Variants in BICRA observed in about 807,000 individuals in gnomAD.
BICRA encodes BRD4-interacting chromatin-remodeling complex-associated protein.
Under a neutral mutation model 96.9 loss-of-function variants are expected in BICRA, and 31 were observed. That is an observed-to-expected ratio of 0.32 (90% CI 0.24 to 0.43). The LOEUF (loss-of-function observed/expected upper bound fraction) is 0.43, where lower values mean the gene tolerates loss of function less well. Among genes scored for constraint, BICRA ranks in the 20% least tolerant of loss-of-function variants. The pLI, the probability that BICRA is intolerant of heterozygous loss-of-function variation, is 1.00. For missense variants in BICRA, 2,283 were observed against 2,190.3 expected (o/e 1.04, Z -0.84); for synonymous variants, 1,350 against 1,071.8 (o/e 1.26, Z -5.07).
chr19:47,694,039 C>G, intron 7 of BICRA, 76 bp from the exon 8 acceptor site: 1 of 1,434,140 alleles, frequency 7.0e-7, no homozygotes, highest in Non-Finnish European at 9.1e-7. Flanking sequence ...GCTGGGGACC[C>G]CAGTGTCTTG....
At chr19:47,629,952 C>T (rs144607946) in intron 1 of BICRA, among the ~76,000 whole-genome samples, 2,518 of 152,282 alleles carry the variant, frequency 0.017, 38 homozygotes, top group Non-Finnish European at 0.028. Flanking sequence ...TGAGCCACGG[C>T]GCCCGGCCAC....
In BICRA at chr19:47,701,579, G is replaced by C. The variant is rs369970539; in HGVS notation, c.3847G>C (p.Ala1283Pro). The change falls in exon 15 of 15, where the codon GCC (alanine) becomes CCC (proline). Residue 1283 changes from alanine (A) to proline (P), a missense_variant. Ala to Pro is a conservative substitution (Grantham distance 27). Transcript: ENST00000594866. The surrounding 1 kb of genome is among the most constrained non-coding windows in gnomAD (Gnocchi z 5.4). ...CTCCTCTGCCGCCTCCTCCTTGGAC[G>C]CCGACGAGGACGGCCCCATGCCCTC... is the stretch of plus-strand genomic sequence containing the variant. ...SSSSAASSLDADEDGPMPSRN... is the reference protein window; with the variant it reads ...SSSSAASSLDPDEDGPMPSRN... The C allele has an allele frequency of 2.6e-6, 4 of 1,553,922 alleles. No individual in the cohort carries two copies. The highest frequency in any genetic ancestry group is 1.4e-5 in the African/African-American group (1 of 73,140).
chr19:47,695,536 G>A, intron 10 of BICRA, 62 bp downstream of exon 10: 1 of 776,812 alleles, frequency 1.3e-6, no homozygotes, highest in Non-Finnish European at 2.2e-6. Flanking sequence ...CTGGGAACTG[G>A]GGCTGGCAGG....
At position 47,621,362 on chromosome 19, in the gene BICRA, C is replaced by T. The variant is rs187744963; in HGVS notation, c.-108+12194C>T. Among the ~76,000 whole-genome samples the T allele has an allele frequency of 2.6e-4, 40 of 152,026 alleles. No individual in the cohort carries two copies. In the East Asian group the frequency reaches 2.7e-3, roughly 10 times the overall value. On this transcript the variant is annotated intron_variant, in intron 1 of 14. Transcript: ENST00000594866. Reference sequence around the variant, plus strand: ...GTCTTTTTCTGTTAAATTTCTGTCTCGTTAGCCAAAGGAACAAAATCCCCT... The same window carrying T: ...GTCTTTTTCTGTTAAATTTCTGTCTTGTTAGCCAAAGGAACAAAATCCCCT...
chr19:47,671,318 GTGCA>G (rs911997656), intron 2 of BICRA, among the ~76,000 whole-genome samples: 1 of 152,092 alleles, frequency 6.6e-6, no homozygotes, highest in African/African-American at 2.4e-5. Context: ...CCAGCTGAGG[GTGCA>G]TGTAAGATTT....
In BICRA at chr19:47,699,042, C is replaced by G. The variant is rs752871406; in HGVS notation, c.3475C>G (p.Leu1159Val). 6.4e-7 allele frequency: 1 copy of G among 1,573,644 alleles called. No individual in the cohort carries two copies. Among genetic ancestry groups the G allele is most frequent in the Non-Finnish European group, 8.6e-7 (1 of 1,159,848 alleles). The change falls in exon 13 of 15, where the codon CTC becomes GTC. Residue 1159 changes from leucine to valine, a missense_variant. Transcript: ENST00000594866. The surrounding 1 kb of genome is among the most constrained non-coding windows in gnomAD (Gnocchi z 5.0). Reference protein sequence around the residue: ...QAMLNKYRLLLLEESRRVSPS... With the variant: ...QAMLNKYRLLVLEESRRVSPS... The stretch of plus-strand genomic sequence containing the variant: ...CATGCTCAATAAATATCGGCTCCTG[C>G]TCCTGGAGGAGTCCCGGGTAGGGTC...
chr19:47,698,577 C>T lies in BICRA; in HGVS notation c.3249-57C>T. 2.6e-6 allele frequency: 2 copies of T among 773,798 alleles called. No individual in the cohort carries two copies. Among genetic ancestry groups the T allele is most frequent in the South Asian group, 2.9e-5 (2 of 67,974 alleles). 47.9% of individuals were successfully genotyped at this position (773,798 alleles called of 1,614,324 possible). On this transcript the variant is annotated intron_variant, in intron 11 of 14. Transcript: ENST00000594866. The surrounding 1 kb of genome is among the most constrained non-coding windows in gnomAD (Gnocchi z 4.8). ...TGAGGGTTCAGGGACTTCCCCTGGC[C>T]CTCACCCGTCCCCCCCACCCTCCGC...
At chr19:47,683,054 T>C (rs1476520154) in intron 7 of BICRA, among the ~76,000 whole-genome samples, 1 of 152,186 alleles carries the variant, frequency 6.6e-6, no homozygotes, top group Non-Finnish European at 1.5e-5. Context: ...TAAATTGTTG[T>C]TAGGTTTTTA....
chr19:47,689,557 G>A (rs1214498361), intron 7 of BICRA, among the ~76,000 whole-genome samples: 1 of 152,032 alleles, frequency 6.6e-6, no homozygotes, highest in Non-Finnish European at 1.5e-5. Context: ...GATTACAGGT[G>A]CACACCATCC....
rs57492096 is a variant in BICRA, at chr19:47,634,756, ATTTTTT to A, written c.-108+25606_-108+25611del. ...ACTCTCTTCTCTCTCTTAAAATTAA[ATTTTTT>A]TTTTTTTTTTTTTTTTTGGAGACAG... On this transcript the variant is annotated intron_variant, in intron 1 of 14. Transcript: ENST00000594866. Among the ~76,000 whole-genome samples the A allele has an allele frequency of 3.3e-3, 399 of 120,282 alleles. 2 individuals carry two copies. The highest frequency in any genetic ancestry group is 0.013 in the African/African-American group (386 of 29,610). 78.9% of individuals were successfully genotyped at this position (120,282 alleles called of 152,430 possible).
upstream of BICRA, chr19:47,609,078 C>CCCGG (rs1185018072): frequency 1.4e-5 from 2 of 147,978 alleles, no homozygotes; most frequent in African/African-American, 4.9e-5. Context: ...CGCTGACCGG[C>CCCGG]CCGGCCGGCC....
At chr19:47,657,436 G>A (rs539270805) in intron 1 of BICRA, among the ~76,000 whole-genome samples, 111 of 148,730 alleles carry the variant, frequency 7.5e-4, no homozygotes, top group African/African-American at 2.7e-3. Context: ...TTGCTCTGTC[G>A]CCCAGGCTGG....
At chr19:47,636,509 G>C (rs1972302581) in intron 1 of BICRA, among the ~76,000 whole-genome samples, 2 of 152,094 alleles carry the variant, frequency 1.3e-5, no homozygotes, top group African/African-American at 4.8e-5. Context: ...ACTGCGCCCA[G>C]CCTGTATTAT....
chr19:47,678,435 C>A (rs768463619), intron 5 of BICRA, among the ~76,000 whole-genome samples: 2 of 151,794 alleles, frequency 1.3e-5, no homozygotes, highest in East Asian at 3.9e-4. Flanking sequence ...GTTTTTTGGG[C>A]GTCAGCTGGT....
rs1459502584 is a variant in BICRA at position 47,680,490 on chromosome 19, C to T, written c.1320C>T (p.Pro440=). The T allele has an allele frequency of 6.5e-6, 10 of 1,542,358 alleles. No individual in the cohort carries two copies. The highest frequency in any genetic ancestry group is 2.7e-5 in the African/African-American group (2 of 72,872). The change falls in exon 6 of 15, where the codon CCC becomes CCT. Residue 440 remains proline, a synonymous_variant. Coordinates refer to ENST00000594866, the MANE Select transcript of BICRA (RefSeq NM_001394372.1). ...TTTGAAPPQP[P]GALSKPMSVH... ...CCGGAGCGGCCCCGCCGCAGCCCCC[C>T]GGGGCCCTGAGCAAACCCATGAGCG...
chr19:47,683,529 TTAAAG>T (rs1384445522), intron 7 of BICRA, among the ~76,000 whole-genome samples: 3 of 152,184 alleles, frequency 2.0e-5, no homozygotes, highest in Non-Finnish European at 2.9e-5. Flanking sequence ...GCCTTTTGTC[TTAAAG>T]TAATAACCAT....
chr19:47,671,409 C>T (rs1972859719), intron 2 of BICRA, among the ~76,000 whole-genome samples: 1 of 151,932 alleles, frequency 6.6e-6, no homozygotes, highest in Non-Finnish European at 1.5e-5. Context: ...GACCCCCTAC[C>T]CCAACAAAAA....
Position 47,680,086 on chromosome 19 carries a change from G to C in BICRA, c.916G>C (p.Val306Leu), listed in dbSNP as rs1404610919. The change falls in exon 6 of 15, where the codon GTG (valine) becomes CTG (leucine). Residue 306 changes from valine to leucine, a missense_variant. Coordinates refer to ENST00000594866, the MANE Select transcript of BICRA (RefSeq NM_001394372.1). ...AVATTLNGNS[V>L]FGGAGAASAP... ...GGCCACCACGCTCAATGGGAACTCT[G>C]TGTTCGGAGGCGCGGGGGCCGCCTC... The C allele has an allele frequency of 8.3e-6, 13 of 1,558,826 alleles. No individual in the cohort carries two copies. The highest frequency in any genetic ancestry group is 1.1e-5 in the Non-Finnish European group (13 of 1,163,250).
At chr19:47,652,568 C>G (rs1042985715) in intron 1 of BICRA, among the ~76,000 whole-genome samples, 3 of 152,120 alleles carry the variant, frequency 2.0e-5, no homozygotes, top group Admixed American at 6.5e-5. Flanking sequence ...TCCAAGAATC[C>G]CAGGTTCTAA....
Sources: allele counts gnomAD v4.1 joint callset (sites outside exome capture counted in the v4.1 genomes callset), GRCh38; gene constraint gnomAD v4.1.1; non-coding constraint Gnocchi (gnomAD v3.1); transcripts MANE v1.5; gene names NCBI Gene and HGNC (gene_info 2026-07-23, HGNC 2026-07-21).